The following FSCB variants were observed in gnomAD, a reference collection of about 807,000 sequenced individuals.
The protein encoded by FSCB is fibrous sheath CABYR binding protein.
For missense variants in FSCB, 975 were observed against 934.8 expected, an observed-to-expected ratio of 1.04 and a Z score of -0.56; for synonymous variants, 331 against 336.6, an observed-to-expected ratio of 0.98 and a Z score of 0.18.
the FSCB span, chr14:44,506,414 C>CA: frequency 3.7e-6 from 6 of 1,614,004 alleles, no homozygotes; most frequent in East Asian, 1.1e-4. Flanking sequence ...TGTTCACTAG[C>CA]AAAAATCTTT....
rs762003131 is a variant in FSCB at position 44,504,715 on chromosome 14, G to A, written c.2273C>T (p.Thr758Ile). 6.2e-7 allele frequency: 1 copy of A among 1,614,120 alleles called. No homozygotes were observed. Among genetic ancestry groups the A allele is most frequent in the South Asian group, 1.1e-5 (1 of 91,084 alleles). The change falls in exon 1 of 1, where the codon ACA (threonine) becomes ATA (isoleucine). Residue 758 changes from threonine (T) to isoleucine (I), a missense_variant. Coordinates refer to ENST00000340446, the MANE Select transcript of FSCB (RefSeq NM_032135.4). Reference protein sequence around the residue: ...EDEALVENVSTEFQSPQVAGI... With the variant: ...EDEALVENVSIEFQSPQVAGI... ...TGCCACCTGCGGTGACTGAAATTCT[G>A]TAGACACATTCTCTACCAGAGCCTC...
Position 44,505,260 on chromosome 14 carries a change from A to C in FSCB, c.1728T>G (p.Leu576=). 6.2e-7 allele frequency: 1 copy of C among 1,613,142 alleles called. No individual in the cohort carries two copies. The highest frequency in any genetic ancestry group is 1.1e-5 in the South Asian group (1 of 91,012). The change falls in exon 1 of 1, where the codon CTT becomes CTG. Residue 576 remains leucine (L), a synonymous_variant. Coordinates refer to ENST00000340446, the MANE Select transcript of FSCB (RefSeq NM_032135.4). ...GVSIEEAPLE[L]QPPSGEETTA... is the part of the protein sequence containing the mutation. ...TGGTCTCTTCACCTGATGGAGGCTG[A>C]AGCTCAAGAGGGGCCTCTTCTATAG...
rs774673934 is a variant in FSCB, at chr14:44,504,853, G to A, written c.2135C>T (p.Ala712Val). Residue 712 changes from alanine to valine, a missense_variant, in exon 1 of 1, where the codon GCC (alanine) becomes GTC (valine). By Grantham distance (64) the Ala-to-Val change is moderately conservative. Coordinates refer to ENST00000340446, the MANE Select transcript of FSCB (RefSeq NM_032135.4). ...TGGTGGGGAATGTTTGTCAACGGAG[G>A]CCTCTTCTGCAGGGACATCATCAGC... ...PPADDVPAEE[A>V]SVDKHSPPAD... The A allele has an allele frequency of 2.5e-6, 4 of 1,614,190 alleles. No individual in the cohort carries two copies. The highest frequency in any genetic ancestry group is 3.4e-6 in the Non-Finnish European group (4 of 1,180,026).
Position 44,506,311 on chromosome 14 carries a change from G to T in FSCB, c.677C>A (p.Pro226His). The T allele has an allele frequency of 6.2e-7, 1 of 1,614,036 alleles. No homozygotes were observed. The highest frequency in any genetic ancestry group is 1.1e-5 in the South Asian group (1 of 91,064). ...AAGCTCATCTTCTAAAAGTACCGGG[G>T]GACCTTTTTTAGTCTCCTGAGTAAA... ...TSFTQETKKG[P>H]PVLLEDELRE... The change falls in exon 1 of 1, where the codon CCC (proline) becomes CAC (histidine). Residue 226 changes from proline (P) to histidine (H), a missense_variant. Coordinates refer to ENST00000340446, the MANE Select transcript of FSCB (RefSeq NM_032135.4).
rs140508672 is a variant in FSCB, at chr14:44,505,779, G to A, written c.1209C>T (p.Gly403=). ...CTTTAGCTGGGGCCTCTTCAAGGGC[G>A]CCCTCAGCTGGTAAAGGCTGTACTT... ...PIEVQPLPAE[G]ALEEAPAKVE... Residue 403 remains glycine, a synonymous_variant, in exon 1 of 1, where the codon GGC becomes GGT. Coordinates refer to ENST00000340446, the MANE Select transcript of FSCB (RefSeq NM_032135.4). 2.1e-4 allele frequency: 339 copies of A among 1,613,842 alleles called. 4 individuals are homozygous for A. The East Asian group carries it at 7.1e-3, about 34-fold the overall frequency.
At position 44,505,691 on chromosome 14, in the gene FSCB, G is replaced by T; in HGVS notation, c.1297C>A (p.Pro433Thr). Residue 433 changes from proline (P) to threonine (T), a missense_variant, in exon 1 of 1, where the codon CCT becomes ACT. Coordinates refer to ENST00000340446, the MANE Select transcript of FSCB (RefSeq NM_032135.4). Reference protein sequence around the residue: ...DVQPLLPEEAPREEARELQLS... With the variant: ...DVQPLLPEEATREEARELQLS... ...TGAAGTTCTCGAGCCTCTTCTCTAG[G>T]AGCCTCTTCAGGTAATAGAGGCTGA... The T allele has an allele frequency of 6.2e-7, 1 of 1,613,638 alleles. No homozygotes were observed. Among genetic ancestry groups the T allele is most frequent in the South Asian group, 1.1e-5 (1 of 91,054 alleles).
Position 44,507,175 on chromosome 14 carries a change from G to C in FSCB, c.-188C>G. Reference sequence around the variant, plus strand: ...CCTTTCTTAGGTGTCATTCTGTTGAGCTCCCTCAGAAAAAAAGTAATTCAT... The same window carrying C: ...CCTTTCTTAGGTGTCATTCTGTTGACCTCCCTCAGAAAAAAAGTAATTCAT... On this transcript the variant is annotated 5_prime_UTR_variant, in exon 1 of 1. Coordinates refer to ENST00000340446, the MANE Select transcript of FSCB (RefSeq NM_032135.4). 1 of 530,672 alleles carries C rather than the reference G, an allele frequency of 1.9e-6. No individual in the cohort carries two copies. The highest frequency in any genetic ancestry group is 3.4e-6 in the Non-Finnish European group (1 of 295,424). The allele number at this position is 530,672 out of a possible 1,614,324, so 32.9% of individuals were successfully genotyped here.
Position 44,506,410 on chromosome 14 carries a change from C to G in FSCB, c.578G>C (p.Ser193Thr), listed in dbSNP as rs1881089009. Residue 193 changes from serine (S) to threonine (T), a missense_variant, in exon 1 of 1, where the codon AGT (serine) becomes ACT (threonine). Ser to Thr is a moderately conservative substitution (Grantham distance 58). Coordinates refer to ENST00000340446, the MANE Select transcript of FSCB (RefSeq NM_032135.4). The part of the protein sequence containing the change: ...KHKSSGKIFA[S>T]EHPEFQPATN... Reference sequence around the variant, plus strand: ...TGCTGGTTGAAATTCAGGGTGTTCACTAGCAAAAATCTTTCCCGACGATTT... The same window carrying G: ...TGCTGGTTGAAATTCAGGGTGTTCAGTAGCAAAAATCTTTCCCGACGATTT... The G allele has an allele frequency of 6.2e-7, 1 of 1,614,142 alleles. No homozygotes were observed. Among genetic ancestry groups the G allele is most frequent in the Non-Finnish European group, 8.5e-7 (1 of 1,180,030 alleles).
rs753360021 is a variant in FSCB, at chr14:44,504,880, G to C, written c.2108C>G (p.Pro703Arg). The change falls in exon 1 of 1, where the codon CCA (proline) becomes CGA (arginine). Residue 703 changes from proline (P) to arginine (R), a missense_variant. Transcript: ENST00000340446. ...CTCTTCTGCAGGGACATCATCAGCT[G>C]GGGGAGAGTGTACTGCAGCAAGGGT... Reference protein sequence around the residue: ...EETLAAVHSPPADDVPAEEAS... With the variant: ...EETLAAVHSPRADDVPAEEAS... The C allele has an allele frequency of 1.9e-6, 3 of 1,614,060 alleles. No individual in the cohort carries two copies. The highest frequency in any genetic ancestry group is 2.5e-6 in the Non-Finnish European group (3 of 1,180,018).
In FSCB at chr14:44,506,599, C is replaced by A. The variant is rs1162808412; in HGVS notation, c.389G>T (p.Arg130Ile). ...TCCTGTACGGCTGGTCTGCTGAGATCTGTCCATTTTTAGTTGAACTGAAGG... is the reference window on the plus strand; with the variant it reads ...TCCTGTACGGCTGGTCTGCTGAGATATGTCCATTTTTAGTTGAACTGAAGG... ...NIPSVQLKMD[R>I]SQQTSRTGYW... The change falls in exon 1 of 1, where the codon AGA becomes ATA. Residue 130 changes from arginine (R) to isoleucine (I), a missense_variant. Physicochemically the swap from Arg to Ile is moderately conservative, Grantham distance 97 (BLOSUM62 -3). Coordinates refer to ENST00000340446, the MANE Select transcript of FSCB (RefSeq NM_032135.4). The A allele has an allele frequency of 3.1e-6, 5 of 1,614,056 alleles. No homozygotes were observed. Among genetic ancestry groups the A allele is most frequent in the Non-Finnish European group, 3.4e-6 (4 of 1,180,040 alleles).
chr14:44,504,962 C>T lies in FSCB; in HGVS notation c.2026G>A (p.Glu676Lys). ...APAEVQPPPA[E>K]EAPAEVQSLP... The stretch of plus-strand genomic sequence containing the variant: ...GACTGAACTTCAGCAGGGGCCTCCT[C>T]AGCTGGTGGAGGCTGAACTTCAGCG... Residue 676 changes from glutamate to lysine, a missense_variant, in exon 1 of 1, where the codon GAG (glutamate) becomes AAG (lysine). Glu to Lys is a moderately conservative substitution (Grantham distance 56, BLOSUM62 1). Coordinates refer to ENST00000340446, the MANE Select transcript of FSCB (RefSeq NM_032135.4). 1 of 1,607,988 alleles carries T rather than the reference C, an allele frequency of 6.2e-7. No individual in the cohort carries two copies. Among genetic ancestry groups the T allele is most frequent in the Non-Finnish European group, 8.5e-7 (1 of 1,177,942 alleles).
At position 44,506,839 on chromosome 14, in the gene FSCB, C is replaced by A. The variant is rs1484505995; in HGVS notation, c.149G>T (p.Arg50Ile). ...SYSAKAYESI[R>I]VSSELQQTWT... ...AGTTTGCTGAAGCTCAGAAGATACT[C>A]TAATAGACTCATAGGCTTTGGCAGA... Residue 50 changes from arginine to isoleucine, a missense_variant, in exon 1 of 1, where the codon AGA becomes ATA. By Grantham distance (97) the Arg-to-Ile change is moderately conservative. Coordinates refer to ENST00000340446, the MANE Select transcript of FSCB (RefSeq NM_032135.4). 1.2e-5 allele frequency: 20 copies of A among 1,613,980 alleles called. No homozygotes were observed. Among genetic ancestry groups the A allele is most frequent in the Non-Finnish European group, 1.7e-5 (20 of 1,179,962 alleles).
Position 44,506,649 on chromosome 14 carries a change from C to T in FSCB, c.339G>A (p.Gln113=). The T allele has an allele frequency of 6.2e-7, 1 of 1,614,132 alleles. No individual in the cohort carries two copies. Among genetic ancestry groups the T allele is most frequent in the Non-Finnish European group, 8.5e-7 (1 of 1,180,034 alleles). The part of the protein sequence containing the change: ...EAAIELPESV[Q]DVEIPPNIPS... Reference sequence around the variant, plus strand: ...GTATGTTTGGTGGAATTTCTACATCCTGAACACTCTCTGGCAATTCAATAG... The same window carrying T: ...GTATGTTTGGTGGAATTTCTACATCTTGAACACTCTCTGGCAATTCAATAG... The change falls in exon 1 of 1, where the codon CAG becomes CAA. Residue 113 remains glutamine (Q), a synonymous_variant. Coordinates refer to ENST00000340446, the MANE Select transcript of FSCB (RefSeq NM_032135.4).
At position 44,506,994 on chromosome 14, in the gene FSCB, G is replaced by C. The variant is rs1430253569; in HGVS notation, c.-7C>G. 1.3e-6 allele frequency: 2 copies of C among 1,564,850 alleles called. No homozygotes were observed. Among genetic ancestry groups the C allele is most frequent in the Non-Finnish European group, 1.7e-6 (2 of 1,151,834 alleles). ...GCTGGGATTTGCCTACCATTGGTTTGCTGGGTCATCTTCTCTTTCGAATTT... is the reference window on the plus strand; with the variant it reads ...GCTGGGATTTGCCTACCATTGGTTTCCTGGGTCATCTTCTCTTTCGAATTT... On this transcript the variant is annotated 5_prime_UTR_variant, in exon 1 of 1. Coordinates refer to ENST00000340446, the MANE Select transcript of FSCB (RefSeq NM_032135.4).
In FSCB at chr14:44,505,108, G is replaced by T; in HGVS notation, c.1880C>A (p.Ala627Asp). 6.6e-7 allele frequency: 1 copy of T among 1,504,276 alleles called. No individual in the cohort carries two copies. 93.2% of individuals were successfully genotyped at this position (1,504,276 alleles called of 1,614,324 possible). The change falls in exon 1 of 1, where the codon GCT becomes GAT. Residue 627 changes from alanine (A) to aspartate (D), a missense_variant. By Grantham distance (126) the Ala-to-Asp change is moderately radical. Transcript: ENST00000340446. The stretch of plus-strand genomic sequence containing the variant: ...CTGAACTTCAGCGGGGGCCTCCTCA[G>T]CTGGTGGAGGCTGAACTTCAGCGGG... ...EAPAEVQPPP[A>D]EEAPAEVQPP...
At position 44,505,789 on chromosome 14, in the gene FSCB, G is replaced by A. The variant is rs763336609; in HGVS notation, c.1199C>T (p.Pro400Leu). The A allele has an allele frequency of 1.9e-6, 3 of 1,613,918 alleles. No individual in the cohort carries two copies. The highest frequency in any genetic ancestry group is 2.7e-5 in the African/African-American group (2 of 74,880). The change falls in exon 1 of 1, where the codon CCA (proline) becomes CTA (leucine). Residue 400 changes from proline to leucine, a missense_variant. Pro to Leu is a moderately conservative substitution (Grantham distance 98). Transcript: ENST00000340446. The stretch of plus-strand genomic sequence containing the variant: ...GGCCTCTTCAAGGGCGCCCTCAGCT[G>A]GTAAAGGCTGTACTTCAATGGGAGC... ...QKAPIEVQPLPAEGALEEAPA... is the reference protein window; with the variant it reads ...QKAPIEVQPLLAEGALEEAPA...
rs2066286528 is a variant in FSCB, at chr14:44,504,391, T to C, written c.*119A>G. 1 of 643,122 alleles carries C rather than the reference T, an allele frequency of 1.6e-6. No homozygotes were observed. The highest frequency in any genetic ancestry group is 2.6e-6 in the Non-Finnish European group (1 of 383,638). The allele number at this position is 643,122 out of a possible 1,614,324, so 39.8% of individuals were successfully genotyped here. On this transcript the variant is annotated 3_prime_UTR_variant, in exon 1 of 1. Transcript: ENST00000340446. Reference sequence around the variant, plus strand: ...TTCATTTTCCAACCTGTATTCCAAGTCTTGGGGTCCCCTTTAATTTGCCTT... The same window carrying C: ...TTCATTTTCCAACCTGTATTCCAAGCCTTGGGGTCCCCTTTAATTTGCCTT...
In FSCB at chr14:44,505,337, A is replaced by G. The variant is rs1881044564; in HGVS notation, c.1651T>C (p.Ser551Pro). Residue 551 changes from serine (S) to proline (P), a missense_variant, in exon 1 of 1, where the codon TCT (serine) becomes CCT (proline). By Grantham distance (74) the Ser-to-Pro change is moderately conservative. Transcript: ENST00000340446. ...ACTTCAGCAGGAGCCTCTTCTGCAG[A>G]AGTCTCCTCAGATAGTGGAGACTGA... ...EAQSPLSEETSAEEAPAEVQS... is the reference protein window; with the variant it reads ...EAQSPLSEETPAEEAPAEVQS... The G allele has an allele frequency of 6.2e-7, 1 of 1,611,696 alleles. No homozygotes were observed. The highest frequency in any genetic ancestry group is 1.7e-5 in the Admixed American group (1 of 59,902).
chr14:44,505,391 C>T lies in FSCB; in HGVS notation c.1597G>A (p.Ala533Thr). The T allele has an allele frequency of 5.0e-6, 8 of 1,610,674 alleles. No individual in the cohort carries two copies. The highest frequency in any genetic ancestry group is 6.8e-6 in the Non-Finnish European group (8 of 1,179,338). ...AEIQLLAAIE[A>T]PADETPAEAQ... ...TCAGCAGGAGTTTCATCTGCAGGAG[C>T]CTCTATAGCTGCTAGAAGCTGAATT... Residue 533 changes from alanine (A) to threonine (T), a missense_variant, in exon 1 of 1, where the codon GCT becomes ACT. Physicochemically the swap from Ala to Thr is moderately conservative, Grantham distance 58 (BLOSUM62 0). Coordinates refer to ENST00000340446, the MANE Select transcript of FSCB (RefSeq NM_032135.4).
Sources: allele counts gnomAD v4.1 joint callset, GRCh38; gene constraint gnomAD v4.1.1; transcripts MANE v1.5; gene names NCBI Gene and HGNC (gene_info 2026-07-23, HGNC 2026-07-21).